NAV2: variants seen among roughly 807,000 people sequenced by gnomAD.
The protein encoded by NAV2 is helicase, APC down-regulated 1.
NAV2 carries 54 observed loss-of-function variants against 223.2 expected under a neutral mutation model. That is an observed-to-expected ratio of 0.24 (90% CI 0.19 to 0.30). The LOEUF (loss-of-function observed/expected upper bound fraction) is 0.30. Among genes scored for constraint, NAV2 ranks in the 10% least tolerant of loss-of-function variants. The pLI is 1.00. For synonymous variants in NAV2, 1,279 were observed against 1,239.3 expected (o/e 1.03, Z -0.67); for missense variants, 2,806 against 3,147.5 (o/e 0.89, Z 2.60).
Position 19,869,355 on chromosome 11 carries a change from A to T in NAV2, c.511+358A>T, listed in dbSNP as rs548364438. Among the ~76,000 whole-genome samples the T allele has an allele frequency of 2.2e-4, 33 of 152,350 alleles. No homozygotes were observed. In the South Asian group the frequency reaches 6.8e-3, roughly 32 times the overall value. ...GAGAGAGCATGCTTCACCACAGAGCATATTTCAGCTGTACAGTTCCCGGGG... is the reference window on the plus strand; with the variant it reads ...GAGAGAGCATGCTTCACCACAGAGCTTATTTCAGCTGTACAGTTCCCGGGG... On this transcript the variant is annotated intron_variant, in intron 4 of 37. Transcript: ENST00000349880.
At chr11:19,366,166 C>T (rs546393240) in intron 1 of NAV2, among the ~76,000 whole-genome samples, 1 of 152,274 alleles carries the variant, frequency 6.6e-6, no homozygotes, top group Non-Finnish European at 1.5e-5. Context: ...GCATGATGGG[C>T]CCAGCTGGGG....
chr11:19,977,042 C>T (rs963651127), intron 10 of NAV2, among the ~76,000 whole-genome samples: 2 of 152,104 alleles, frequency 1.3e-5, no homozygotes, highest in African/African-American at 2.4e-5. Flanking sequence ...TAGGAAATCG[C>T]ATAAAGGGTG....
At chr11:19,529,327 G>A (rs76067164) in intron 1 of NAV2, among the ~76,000 whole-genome samples, 13,624 of 152,146 alleles carry the variant, frequency 0.09, 759 homozygotes, top group South Asian at 0.13. Flanking sequence ...TAACACATAC[G>A]CATGGTTGTC....
chr11:19,901,091 G>A (rs1419250398), intron 6 of NAV2, among the ~76,000 whole-genome samples: 1 of 152,186 alleles, frequency 6.6e-6, no homozygotes, highest in Non-Finnish European at 1.5e-5. Context: ...ATCCCTTGAG[G>A]TAATTGCTAA....
intron 35 of NAV2, among the ~76,000 whole-genome samples, chr11:20,106,210 T>TAC (rs2062075260): frequency 1.0e-5 from 1 of 97,074 alleles, no homozygotes; most frequent in East Asian, 3.4e-4. Flanking sequence ...TATATATATA[T>TAC]ATATATATAT....
chr11:19,946,935 G>A (rs1007824781), intron 9 of NAV2, among the ~76,000 whole-genome samples: 12 of 152,066 alleles, frequency 7.9e-5, no homozygotes, highest in African/African-American at 2.9e-4. Flanking sequence ...AAACATGTAA[G>A]GAAATATTTA....
At chr11:19,905,672 G>C (rs1164413957) in intron 6 of NAV2, among the ~76,000 whole-genome samples, 1 of 152,170 alleles carries the variant, frequency 6.6e-6, no homozygotes, top group African/African-American at 2.4e-5. Context: ...ATCTGGCTTG[G>C]AGTGAAAACC....
chr11:19,641,379 G>C (rs2047659283), intron 1 of NAV2, among the ~76,000 whole-genome samples: 1 of 151,918 alleles, frequency 6.6e-6, no homozygotes, highest in African/African-American at 2.4e-5. Flanking sequence ...TACTCCCTTA[G>C]TCCAAGTGGC....
At position 19,531,714 on chromosome 11, in the gene NAV2, C is replaced by A. The variant is rs182533323; in HGVS notation, c.75+180687C>A. Among the ~76,000 whole-genome samples, 4 of 152,196 alleles carry A rather than the reference C, an allele frequency of 2.6e-5. No homozygotes were observed. The East Asian group carries it at 7.7e-4, about 29-fold the overall frequency. ...CTAGTCCAAGGGACATGTTGAAAAG[C>A]CATTGTGATTTTTGAGTTTGGAATT... is the stretch of plus-strand genomic sequence containing the variant. On this transcript the variant is annotated intron_variant, in intron 1 of 37. Coordinates refer to the NAV2 transcript ENST00000360655.
rs1256244229 is a variant in NAV2 at position 20,077,428 on chromosome 11, G to C, written c.4984-124G>C. The C allele has an allele frequency of 6.0e-6, 4 of 666,438 alleles. 1 individual carries two copies. The African/African-American group carries it at 7.1e-5, about 12-fold the overall frequency. 41.3% of individuals were successfully genotyped at this position (666,438 alleles called of 1,614,324 possible). ...AAGAGTGGTGGGGAGTGGGATTCAA[G>C]AGGAGGCTGAAAAAGTAGCCTAGAT... On this transcript the variant is annotated intron_variant, in intron 22 of 37. Coordinates refer to ENST00000349880, the MANE Select transcript of NAV2 (RefSeq NM_145117.5).
chr11:19,637,429 C>T (rs942081021), intron 1 of NAV2, among the ~76,000 whole-genome samples: 10 of 152,350 alleles, frequency 6.6e-5, no homozygotes, highest in Admixed American at 2.0e-4. Flanking sequence ...TTCCACTCAA[C>T]CCATCTTGCC....
At chr11:19,557,400 T>C (rs2044931711) in intron 1 of NAV2, among the ~76,000 whole-genome samples, 1 of 152,238 alleles carries the variant, frequency 6.6e-6, no homozygotes, top group East Asian at 1.9e-4. Flanking sequence ...GTTTTGTTTG[T>C]AGAATTGATT....
chr11:19,912,648 T>C (rs1299171570), intron 6 of NAV2, among the ~76,000 whole-genome samples: 1 of 152,204 alleles, frequency 6.6e-6, no homozygotes, highest in Non-Finnish European at 1.5e-5. Flanking sequence ...CTTGGGACCA[T>C]GTCCTTATAG....
chr11:19,407,902 G>C (rs755837866), intron 1 of NAV2, among the ~76,000 whole-genome samples: 1 of 152,132 alleles, frequency 6.6e-6, no homozygotes, highest in Non-Finnish European at 1.5e-5. Context: ...GGTTGGGACT[G>C]ATAAGTAAAG....
chr11:19,997,899 C>T (rs1333858774), intron 11 of NAV2, among the ~76,000 whole-genome samples: 1 of 152,130 alleles, frequency 6.6e-6, no homozygotes, highest in African/African-American at 2.4e-5. Context: ...ACACTCCTCC[C>T]TCCACCCCAG....
chr11:19,646,737 A>T (rs2047825856), intron 1 of NAV2, among the ~76,000 whole-genome samples: 1 of 152,134 alleles, frequency 6.6e-6, no homozygotes, highest in Admixed American at 6.5e-5. Context: ...TAAATATAAA[A>T]CCTTTCACCT....
chr11:19,457,825 C>T (rs755894103), intron 1 of NAV2, among the ~76,000 whole-genome samples: 2 of 152,094 alleles, frequency 1.3e-5, no homozygotes, highest in Non-Finnish European at 2.9e-5. Flanking sequence ...AAGCCCCCAC[C>T]CTGAAGGGTC....
chr11:19,910,708 A>G (rs1199637268), intron 6 of NAV2, among the ~76,000 whole-genome samples: 2 of 152,170 alleles, frequency 1.3e-5, no homozygotes, highest in African/African-American at 4.8e-5. Context: ...AATACAAAAA[A>G]TTAGCCAGGC....
intron 1 of NAV2, among the ~76,000 whole-genome samples, chr11:19,385,301 G>A (rs1848991773): frequency 1.1e-5 from 1 of 89,510 alleles, no homozygotes; most frequent in Non-Finnish European, 3.1e-5. Flanking sequence ...AAATAGTTTT[G>A]GATAAATATG....
Sources: allele counts gnomAD v4.1 joint callset (sites outside exome capture counted in the v4.1 genomes callset), GRCh38; gene constraint gnomAD v4.1.1; transcripts MANE v1.5; gene names NCBI Gene and HGNC (gene_info 2026-07-23, HGNC 2026-07-21).